SHC3: variants seen among roughly 807,000 people sequenced by gnomAD.
SHC3 encodes SHC-transforming protein 3.
A neutral mutation model predicts 60.4 loss-of-function variants in SHC3; 15 were observed. The observed-to-expected ratio is 0.25, with a 90% confidence interval of 0.17 to 0.38. The LOEUF is 0.38. SHC3 is among the 10% of genes least tolerant of loss of function. The pLI, the probability that SHC3 is intolerant of heterozygous loss-of-function variation, is 1.00. For missense variants in SHC3, 677 were observed against 786.1 expected (o/e 0.86, Z 1.66); for synonymous variants, 294 against 325.9 (o/e 0.90, Z 1.05).
At chr9:89,071,428 G>A (rs1403611930) in intron 4 of SHC3, among the ~76,000 whole-genome samples, 176 bp from the exon 5 acceptor site, 1 of 152,126 alleles carries the variant, frequency 6.6e-6, no homozygotes, top group East Asian at 1.9e-4. Context: ...AAATCTGATG[G>A]CTGCTGTCCA....
rs765967570 is a variant in SHC3, at chr9:89,038,217, T to C, written c.1432A>G (p.Ile478Val). 5 of 1,613,898 alleles carry C rather than the reference T, an allele frequency of 3.1e-6. No homozygotes were observed. The highest frequency in any genetic ancestry group is 4.2e-6 in the Non-Finnish European group (5 of 1,180,022). Residue 478 changes from isoleucine (I) to valine (V), a missense_variant, in exon 11 of 12, where the codon ATC becomes GTC. Transcript: ENST00000375835. ...GGGGCTCTAGGTGACACAGGGCTGA[T>C]GCACTCCACGGAGGCTGCCTTGCTT... ...VLSKAASVEC[I>V]SPVSPRAPDA...
Position 89,161,063 on chromosome 9 carries a change from C to T in SHC3, c.474+16924G>A, listed in dbSNP as rs80297711. On this transcript the variant is annotated intron_variant, in intron 1 of 11. Transcript: ENST00000375835. ...TCTGTCGCATATGAAGTATTTAACA[C>T]GGGCTCCTGCTCTAGGGAAGCTTTG... Among the ~76,000 whole-genome samples, 933 of 152,300 alleles carry T rather than the reference C, an allele frequency of 6.1e-3. 9 individuals are homozygous for T. The highest frequency in any genetic ancestry group is 0.021 in the African/African-American group (865 of 41,554).
At chr9:89,162,697 T>A (rs950210083) in intron 1 of SHC3, among the ~76,000 whole-genome samples, 1 of 150,270 alleles carries the variant, frequency 6.7e-6, no homozygotes, top group Non-Finnish European at 1.5e-5. Context: ...GGACTTCATG[T>A]CTAAAACACC....
rs1216327379 is a variant in SHC3, at chr9:89,052,160, C to A, written c.839G>T (p.Cys280Phe). The A allele has an allele frequency of 1.2e-6, 2 of 1,613,644 alleles. No individual in the cohort carries two copies. The highest frequency in any genetic ancestry group is 1.7e-6 in the Non-Finnish European group (2 of 1,179,694). ...CCCATCACAGCATTCCAAAATGTGA[C>A]AAGCTGGGAAAGCAAGTGACATGGG... ...VAKDPVNRRACHILECCDGLA... is the reference protein window; with the variant it reads ...VAKDPVNRRAFHILECCDGLA... Residue 280 changes from cysteine to phenylalanine, a missense_variant, in exon 7 of 12, where the codon TGT (cysteine) becomes TTT (phenylalanine). Transcript: ENST00000375835.
At chr9:89,053,933 C>T (rs13298779) in intron 6 of SHC3, among the ~76,000 whole-genome samples, 12,269 of 152,230 alleles carry the variant, frequency 0.081, 665 homozygotes, top group Admixed American at 0.12. Flanking sequence ...CCACGCCCCT[C>T]CCGGCCCTGC....
intron 7 of SHC3, among the ~76,000 whole-genome samples, chr9:89,048,388 T>G (rs1824808082): frequency 6.6e-6 from 1 of 152,174 alleles, no homozygotes; most frequent in African/African-American, 2.4e-5. Context: ...GAGTGAATCT[T>G]GAAAACATTC....
At chr9:89,126,010 C>A (rs962172451) in intron 1 of SHC3, among the ~76,000 whole-genome samples, 2 of 152,084 alleles carry the variant, frequency 1.3e-5, no homozygotes, top group African/African-American at 4.8e-5. Flanking sequence ...ATTTCTTGTG[C>A]GAGATCCAAG....
intron 1 of SHC3, among the ~76,000 whole-genome samples, chr9:89,162,659 T>A (rs896081302): frequency 2.1e-4 from 31 of 150,826 alleles, no homozygotes; most frequent in Middle Eastern, 3.4e-3. Flanking sequence ...AACCTAGGCA[T>A]TACCATTCAG....
intron 1 of SHC3, among the ~76,000 whole-genome samples, chr9:89,168,012 C>T (rs564009393): frequency 3.3e-5 from 5 of 152,224 alleles, no homozygotes; most frequent in African/African-American, 9.6e-5. Context: ...AGCCAGCTTG[C>T]GAACCACAGC....
chr9:89,037,190 C>T (rs1026557484), intron 11 of SHC3, among the ~76,000 whole-genome samples: 7 of 152,124 alleles, frequency 4.6e-5, no homozygotes, highest in Non-Finnish European at 7.4e-5. Context: ...CACCCCCACC[C>T]CCGACACATG....
At position 89,077,944 on chromosome 9, in the gene SHC3, C is replaced by T. The variant is rs142226804; in HGVS notation, c.546-41G>A. 203 of 1,609,696 alleles carry T rather than the reference C, an allele frequency of 1.3e-4. No homozygotes were observed. In the African/African-American group the frequency reaches 1.5e-3, roughly 12 times the overall value. On this transcript the variant is annotated intron_variant, in intron 2 of 11. Transcript: ENST00000375835. ...AAAAGCAATTTTATTACGTGTCAGT[C>T]GGGATTATGGAACCCAGAGATGCTA...
chr9:89,107,740 G>T (rs1825884473), intron 2 of SHC3, among the ~76,000 whole-genome samples: 1 of 152,170 alleles, frequency 6.6e-6, no homozygotes, highest in African/African-American at 2.4e-5. Flanking sequence ...GGGGTGGGGT[G>T]GGGTGGTAGG....
At chr9:89,144,356 C>T (rs1399260861) in intron 1 of SHC3, among the ~76,000 whole-genome samples, 1 of 152,196 alleles carries the variant, frequency 6.6e-6, no homozygotes, top group Non-Finnish European at 1.5e-5. Context: ...GGATGGCTCT[C>T]AAACTGGAGT....
chr9:89,159,863 G>T (rs921215784), intron 1 of SHC3, among the ~76,000 whole-genome samples: 1 of 152,162 alleles, frequency 6.6e-6, no homozygotes, highest in African/African-American at 2.4e-5. Context: ...GCCTTTCCCA[G>T]CCCACTGACT....
intron 11 of SHC3, among the ~76,000 whole-genome samples, chr9:89,024,955 A>T (rs529837986): frequency 1.2e-4 from 18 of 152,230 alleles, no homozygotes; most frequent in African/African-American, 4.3e-4. Context: ...GGGGCTGAGG[A>T]GGTGGGGACA....
intron 1 of SHC3, among the ~76,000 whole-genome samples, chr9:89,166,852 G>A (rs988337096): frequency 2.0e-5 from 3 of 152,108 alleles, no homozygotes; most frequent in African/African-American, 4.8e-5. Context: ...TAAGACAGGC[G>A]AAGGTAATAA....
At chr9:89,108,375 G>A (rs113606780) in intron 2 of SHC3, among the ~76,000 whole-genome samples, 8,897 of 151,884 alleles carry the variant, frequency 0.059, 348 homozygotes, top group Admixed American at 0.11. Context: ...ACAAAAATTA[G>A]CTGGACATGG....
At chr9:89,095,166 C>G (rs1312224406) in intron 2 of SHC3, among the ~76,000 whole-genome samples, 1 of 152,110 alleles carries the variant, frequency 6.6e-6, no homozygotes, top group Non-Finnish European at 1.5e-5. Context: ...TACATGTACA[C>G]CATGTTCATG....
chr9:89,076,722 T>C (rs1203281806), intron 3 of SHC3, among the ~76,000 whole-genome samples: 1 of 152,214 alleles, frequency 6.6e-6, no homozygotes, highest in Non-Finnish European at 1.5e-5. Flanking sequence ...GTTGTCATCA[T>C]CTGTAATACG....
Sources: allele counts gnomAD v4.1 joint callset (sites outside exome capture counted in the v4.1 genomes callset), GRCh38; gene constraint gnomAD v4.1.1; transcripts MANE v1.5; gene names NCBI Gene and HGNC (gene_info 2026-07-23, HGNC 2026-07-21).